Variants in PRPSAP1 observed in about 807,000 individuals in gnomAD.
The protein encoded by PRPSAP1 is phosphoribosyl pyrophosphate synthetase associated protein 1, also known as phosphoribosyl pyrophosphate synthase-associated protein 1.
In PRPSAP1, 31 loss-of-function variants were observed where a neutral mutation model predicts 39.4. The observed-to-expected ratio is 0.79, with a 90% CI of 0.59 to 1.06. The LOEUF (loss-of-function observed/expected upper bound fraction) is 1.06. PRPSAP1 is among the 50% of genes least tolerant of loss of function. PRPSAP1 has a pLI of 0.00. For missense variants in PRPSAP1, 430 were observed against 511.6 expected (o/e 0.84, Z 1.54); for synonymous variants, 212 against 192.6 (o/e 1.10, Z -0.83).
At chr17:76,344,500 C>T (rs562031081) in intron 3 of PRPSAP1, among the ~76,000 whole-genome samples, 171 bp downstream of exon 3, 2 of 152,122 alleles carry the variant, frequency 1.3e-5, no homozygotes, top group African/African-American at 4.8e-5. Context: ...CTCCTGACCT[C>T]GTGATCCGCC....
At chr17:76,352,151 T>C (rs889695460) in intron 1 of PRPSAP1, among the ~76,000 whole-genome samples, 6 of 151,660 alleles carry the variant, frequency 4.0e-5, no homozygotes, top group Admixed American at 1.3e-4. Context: ...TTAAGATATA[T>C]CCCTGCAATC....
intron 3 of PRPSAP1, among the ~76,000 whole-genome samples, chr17:76,341,846 G>C (rs939186324): frequency 1.3e-5 from 2 of 152,160 alleles, no homozygotes; most frequent in African/African-American, 4.8e-5. Context: ...GGCTGAGGCA[G>C]GAGAATGGCG....
chr17:76,353,607 C>G lies in PRPSAP1; in HGVS notation c.97G>C (p.Ala33Pro), dbSNP rs1189955535. 2 of 1,557,196 alleles carry G rather than the reference C, an allele frequency of 1.3e-6. No individual in the cohort carries two copies. Among genetic ancestry groups the G allele is most frequent in the Non-Finnish European group, 1.7e-6 (2 of 1,156,666 alleles). Residue 33 changes from alanine (A) to proline (P), a missense_variant, in exon 1 of 10, where the codon GCT becomes CCT. By Grantham distance (27) the Ala-to-Pro change is conservative. Around this residue, in one of 2 missense-constraint regions of PRPSAP1, gnomAD observed 152 missense variants for 135.2 expected, o/e 1.12. Coordinates refer to ENST00000446526, the MANE Select transcript of PRPSAP1 (RefSeq NM_002766.3). Reference sequence around the variant, plus strand: ...GAGAAGACTCGGTAGCCGGTGCGAGCGGCGTTCATGGCCGGCGGGGGAACG... The same window carrying G: ...GAGAAGACTCGGTAGCCGGTGCGAGGGGCGTTCATGGCCGGCGGGGGAACG... ...RPVPPPAMNA[A>P]RTGYRVFSAN...
intron 7 of PRPSAP1, among the ~76,000 whole-genome samples, chr17:76,317,849 T>A (rs184634712): frequency 6.6e-6 from 1 of 152,338 alleles, no homozygotes; most frequent in Non-Finnish European, 1.5e-5. Context: ...GTTTGTTAGA[T>A]GCCCTTGCCC....
chr17:76,332,245 G>GC lies in PRPSAP1; in HGVS notation c.463+17dup, dbSNP rs766881342. 1 of 1,611,572 alleles carries GC rather than the reference G, an allele frequency of 6.2e-7. No individual in the cohort carries two copies. The stretch of plus-strand genomic sequence containing the variant: ...TAAAGGATCATGCTGGAACCCCAGG[G>GC]CCCCCGCGCACACTCACCTGCTTTC... On this transcript the variant is annotated intron_variant, in intron 4 of 9. Coordinates refer to ENST00000446526, the MANE Select transcript of PRPSAP1 (RefSeq NM_002766.3).
intron 3 of PRPSAP1, among the ~76,000 whole-genome samples, chr17:76,340,958 T>C (rs2071430581): frequency 6.6e-6 from 1 of 150,744 alleles, no homozygotes; most frequent in African/African-American, 2.4e-5. Flanking sequence ...AACTGGTCCC[T>C]GGTGCCAAAA....
chr17:76,351,299 G>A (rs190653216), intron 1 of PRPSAP1, among the ~76,000 whole-genome samples: 54 of 152,190 alleles, frequency 3.5e-4, no homozygotes, highest in African/African-American at 1.3e-3. Context: ...AGTGGATCAC[G>A]AGGTCAGGAG....
At chr17:76,350,580 G>A (rs1192543842) in intron 1 of PRPSAP1, among the ~76,000 whole-genome samples, 1 of 152,180 alleles carries the variant, frequency 6.6e-6, no homozygotes, top group East Asian at 1.9e-4. Context: ...AATTCATAGA[G>A]ACAAAGTAGA....
chr17:76,332,462 G>T (rs2143504955), intron 3 of PRPSAP1, 27 bp from the exon 4 acceptor site: 2 of 1,610,188 alleles, frequency 1.2e-6, no homozygotes, highest in Middle Eastern at 1.7e-4. Flanking sequence ...TTGTATTTGG[G>T]GATTAATTCC....
chr17:76,313,287 A>G (rs553733599), intron 8 of PRPSAP1: 6 of 341,998 alleles, frequency 1.8e-5, no homozygotes, highest in African/African-American at 1.3e-4. Context: ...TTCCTGTCTC[A>G]CGTTTCTGGT....
At chr17:76,313,124 G>C (rs1208159499) in intron 8 of PRPSAP1, 108 bp from the exon 9 acceptor site, 1 of 1,371,822 alleles carries the variant, frequency 7.3e-7, no homozygotes, top group Non-Finnish European at 9.7e-7. Flanking sequence ...GAGGATTTCT[G>C]ATGGAAAATC....
At chr17:76,322,297 G>A (rs1242973661) in intron 7 of PRPSAP1, among the ~76,000 whole-genome samples, 1 of 152,176 alleles carries the variant, frequency 6.6e-6, no homozygotes, top group Admixed American at 6.5e-5. Flanking sequence ...TCGGGAAGCT[G>A]AGGCAGGAGA....
At chr17:76,314,176 A>G (rs907582511) in intron 7 of PRPSAP1, 9 of 421,654 alleles carry the variant, frequency 2.1e-5, no homozygotes, top group African/African-American at 1.9e-4. Context: ...AAAATATTAT[A>G]ATTTCAACAT....
At chr17:76,351,189 G>A (rs988226549) in intron 1 of PRPSAP1, among the ~76,000 whole-genome samples, 2 of 151,776 alleles carry the variant, frequency 1.3e-5, no homozygotes, top group African/African-American at 4.8e-5. Context: ...CCTGGCCAAC[G>A]TGGTGAAACC....
rs1012565975 is a variant in PRPSAP1, at chr17:76,353,890, C to T, written c.-187G>A. ...ACAGCGGCCGAGCCTTCGCAGCGCC[C>T]GGCGCCGCCGCCTCAGAGCCAGAGG... On this transcript the variant is annotated 5_prime_UTR_variant, in exon 1 of 10. Coordinates refer to ENST00000446526, the MANE Select transcript of PRPSAP1 (RefSeq NM_002766.3). The T allele has an allele frequency of 2.3e-6, 3 of 1,307,752 alleles. No homozygotes were observed. The highest frequency in any genetic ancestry group is 2.9e-6 in the Non-Finnish European group (3 of 1,031,792). The allele number at this position is 1,307,752 out of a possible 1,614,324, so 81.0% of individuals were successfully genotyped here. A position where few individuals can be genotyped will look rare whatever the true frequency, so the allele number is the denominator to read the frequency against.
At chr17:76,315,423 G>A (rs950540709) in intron 7 of PRPSAP1, among the ~76,000 whole-genome samples, 3 of 152,154 alleles carry the variant, frequency 2.0e-5, no homozygotes, top group Non-Finnish European at 2.9e-5. Context: ...CAGGCACTGT[G>A]TATCTCAAAG....
intron 4 of PRPSAP1, among the ~76,000 whole-genome samples, 170 bp downstream of exon 4, chr17:76,332,093 A>T (rs758010353): frequency 3.3e-5 from 5 of 152,198 alleles, no homozygotes; most frequent in Non-Finnish European, 7.4e-5. Flanking sequence ...CAAAGCGAAT[A>T]AGGGAAAAAA....
At chr17:76,334,641 A>G (rs549285729) in intron 3 of PRPSAP1, among the ~76,000 whole-genome samples, 49 of 152,274 alleles carry the variant, frequency 3.2e-4, no homozygotes, top group African/African-American at 6.0e-4. Flanking sequence ...AACAAAAACA[A>G]AAACAAAAAA....
At chr17:76,341,062 C>T (rs1212579111) in intron 3 of PRPSAP1, among the ~76,000 whole-genome samples, 1 of 151,928 alleles carries the variant, frequency 6.6e-6, no homozygotes, top group Admixed American at 6.6e-5. Flanking sequence ...TAGATGATCC[C>T]TAAATACATG....
Sources: gnomAD v4.1 joint callset for allele counts (sites outside exome capture counted in the v4.1 genomes callset) on GRCh38, gnomAD v4.1.1 for gene constraint, gnomAD v4.1.1 regional missense constraint, MANE v1.5 for transcripts, NCBI Gene and HGNC (gene_info 2026-07-23, HGNC 2026-07-21) for gene names.